The following DOCK3 variants were observed in gnomAD, a reference collection of about 807,000 sequenced individuals.
DOCK3 encodes dedicator of cytokinesis 3.
DOCK3 carries 60 observed loss-of-function variants against 265.6 expected under a neutral mutation model. The ratio of observed to expected loss-of-function variants is 0.23; its 90% CI spans 0.18 to 0.28. The LOEUF (loss-of-function observed/expected upper bound fraction) is 0.28, where lower values mean the gene tolerates loss of function less well. Ranked by LOEUF, DOCK3 falls within the 10% of genes least tolerant of loss-of-function variation. DOCK3 has a pLI of 1.00. For synonymous variants in DOCK3, 881 were observed against 938.0 expected, an observed-to-expected ratio of 0.94 and a Z score of 1.11; for missense variants, 1,981 against 2,594.3, an observed-to-expected ratio of 0.76 and a Z score of 5.14.
chr3:51,047,700 A>G (rs1458490075), intron 5 of DOCK3, among the ~76,000 whole-genome samples: 1 of 152,184 alleles, frequency 6.6e-6, no homozygotes, highest in Admixed American at 6.5e-5. Context: ...AAGAAGAAGG[A>G]TAAAGCCTGA....
chr3:51,203,477 AAGG>A (rs1447007901), intron 12 of DOCK3, among the ~76,000 whole-genome samples: 1 of 152,238 alleles, frequency 6.6e-6, no homozygotes, highest in Non-Finnish European at 1.5e-5. Context: ...GGACCTCTTC[AAGG>A]AGAACTACAA....
chr3:50,694,266 T>C (rs1225292748), intron 1 of DOCK3, among the ~76,000 whole-genome samples: 1 of 151,396 alleles, frequency 6.6e-6, no homozygotes, highest in East Asian at 1.9e-4. Flanking sequence ...CGAGACTTTG[T>C]CTCCAAAAAA....
chr3:50,781,078 A>G (rs1210814798), intron 2 of DOCK3, among the ~76,000 whole-genome samples: 2 of 152,022 alleles, frequency 1.3e-5, no homozygotes, highest in Admixed American at 6.6e-5. Context: ...TTGATTCCAT[A>G]TCTTGGCTGT....
chr3:51,233,751 T>A (rs1329746929), intron 19 of DOCK3, among the ~76,000 whole-genome samples: 1 of 152,202 alleles, frequency 6.6e-6, no homozygotes, highest in African/African-American at 2.4e-5. Context: ...TTTTTGTGTA[T>A]GGCTACTGTA....
At chr3:51,024,947 C>G (rs1292027805) in intron 5 of DOCK3, among the ~76,000 whole-genome samples, 1 of 152,162 alleles carries the variant, frequency 6.6e-6, no homozygotes, top group Admixed American at 6.5e-5. Context: ...GCTGTTTTCT[C>G]CTTCTTGGGC....
intron 5 of DOCK3, among the ~76,000 whole-genome samples, chr3:50,950,800 T>C (rs1167429014): frequency 6.6e-6 from 1 of 152,190 alleles, no homozygotes; most frequent in Non-Finnish European, 1.5e-5. Flanking sequence ...TAAAATGCAG[T>C]CCTCCTTATT....
At chr3:50,827,284 C>T (rs1260021436) in intron 2 of DOCK3, among the ~76,000 whole-genome samples, 1 of 152,112 alleles carries the variant, frequency 6.6e-6, no homozygotes. Context: ...AGTTTATAAG[C>T]AACAGAAATT....
chr3:50,937,382 C>T (rs62257823), intron 5 of DOCK3, among the ~76,000 whole-genome samples: 24,024 of 148,798 alleles, frequency 0.16, 2,302 homozygotes, highest in South Asian at 0.34. Flanking sequence ...CGGCTGGGCA[C>T]GGTGGCTCAC....
intron 2 of DOCK3, chr3:50,788,236 A>G: frequency 1.4e-6 from 1 of 722,650 alleles, no homozygotes; most frequent in Non-Finnish European, 2.1e-6. Context: ...TGCTACAGGC[A>G]CAGCACAGTT....
intron 1 of DOCK3, among the ~76,000 whole-genome samples, chr3:50,768,446 C>T (rs2041053311): frequency 6.6e-6 from 1 of 152,090 alleles, no homozygotes; most frequent in South Asian, 2.1e-4. Context: ...AAACCGAATC[C>T]AGCAGCACAT....
At chr3:51,083,167 G>C (rs568245124) in intron 7 of DOCK3, among the ~76,000 whole-genome samples, 31 of 152,290 alleles carry the variant, frequency 2.0e-4, no homozygotes, top group African/African-American at 7.2e-4. Context: ...CTAAGTCACT[G>C]CAGAACTCAC....
At chr3:51,098,426 TG>T (rs1424628462) in intron 9 of DOCK3, among the ~76,000 whole-genome samples, 1 of 152,236 alleles carries the variant, frequency 6.6e-6, no homozygotes, top group Non-Finnish European at 1.5e-5. Context: ...AACTTTTTCT[TG>T]AAAATCAGTT....
intron 9 of DOCK3, among the ~76,000 whole-genome samples, chr3:51,096,123 C>A (rs554573994): frequency 1.3e-5 from 2 of 152,050 alleles, no homozygotes; most frequent in Non-Finnish European, 2.9e-5. Flanking sequence ...TGGGGTTGCT[C>A]TTCTCAAGGA....
intron 49 of DOCK3, among the ~76,000 whole-genome samples, chr3:51,368,834 A>G (rs754043706): frequency 6.6e-6 from 1 of 152,352 alleles, no homozygotes; most frequent in Non-Finnish European, 1.5e-5. Context: ...CTCATATGGC[A>G]GGGTGCCCCT....
chr3:51,175,619 T>C (rs1465575225), intron 12 of DOCK3, among the ~76,000 whole-genome samples: 1 of 152,154 alleles, frequency 6.6e-6, no homozygotes, highest in Non-Finnish European at 1.5e-5. Context: ...GGTCCCTGGA[T>C]GGGTAGGACT....
chr3:51,054,808 A>T (rs1254482702), intron 5 of DOCK3, among the ~76,000 whole-genome samples: 1 of 151,974 alleles, frequency 6.6e-6, no homozygotes, highest in African/African-American at 2.4e-5. Flanking sequence ...CCCCTTTATT[A>T]TGCCCTATTC....
At chr3:51,341,489 G>A in intron 38 of DOCK3, 104 bp downstream of exon 38, 2 of 1,510,020 alleles carry the variant, frequency 1.3e-6, no homozygotes, top group Admixed American at 2.0e-5. Flanking sequence ...AGTGTGTGGG[G>A]TGGTGAGTGG....
At chr3:51,319,710 C>T (rs2083571931) in intron 32 of DOCK3, among the ~76,000 whole-genome samples, 1 of 151,902 alleles carries the variant, frequency 6.6e-6, no homozygotes, top group Non-Finnish European at 1.5e-5. Flanking sequence ...ACTAAAACTA[C>T]AAAAATTAGC....
intron 3 of DOCK3, among the ~76,000 whole-genome samples, chr3:50,851,265 T>C (rs1238725753): frequency 2.0e-5 from 3 of 151,960 alleles, no homozygotes; most frequent in Non-Finnish European, 4.4e-5. Flanking sequence ...CCAGGATTTA[T>C]GCACAAGAGG....
Sources: gnomAD v4.1 joint callset for allele counts (sites outside exome capture counted in the v4.1 genomes callset) on GRCh38, gnomAD v4.1.1 for gene constraint, MANE v1.5 for transcripts, NCBI Gene and HGNC (gene_info 2026-07-23, HGNC 2026-07-21) for gene names.